Variants in FRMD8 observed in about 807,000 individuals in gnomAD.
The protein encoded by FRMD8 is FERM domain containing 8, also known as FERM domain-containing protein 8.
Under a neutral mutation model 54.2 loss-of-function variants are expected in FRMD8, and 37 were observed. The ratio of observed to expected loss-of-function variants is 0.68; its 90% CI spans 0.53 to 0.90. FRMD8 has a LOEUF of 0.90. Ranked by LOEUF, FRMD8 falls within the 40% of genes least tolerant of loss-of-function variation. The pLI, the probability that FRMD8 is intolerant of heterozygous loss-of-function variation, is 0.00. For missense variants in FRMD8, 585 were observed against 653.7 expected (o/e 0.89, Z 1.15); for synonymous variants, 246 against 286.9 (o/e 0.86, Z 1.44).
chr11:65,406,433 G>A (rs1856198997), intron 10 of FRMD8, among the ~76,000 whole-genome samples: 1 of 150,660 alleles, frequency 6.6e-6, no homozygotes, highest in African/African-American at 2.4e-5. Flanking sequence ...TGACCTTGTG[G>A]TCCATCCGCC....
chr11:65,397,849 G>C lies in FRMD8; in HGVS notation c.803+829G>C, dbSNP rs1399684733. On this transcript the variant is annotated intron_variant, in intron 7 of 10. Transcript: ENST00000317568. ...GAGTCGCTGGGACCACAGGTGTGCA[G>C]CACCATGCCCGGGTAATTTTTCTTT... Among the ~76,000 whole-genome samples the C allele has an allele frequency of 2.7e-5, 4 of 150,796 alleles. No individual in the cohort carries two copies. The East Asian group carries it at 7.8e-4, about 29-fold the overall frequency.
At position 65,404,602 on chromosome 11, in the gene FRMD8, C is replaced by T. The variant is rs1393465890; in HGVS notation, c.1072-262C>T. Among the ~76,000 whole-genome samples the T allele has an allele frequency of 6.6e-6, 1 of 151,942 alleles. No homozygotes were observed. The highest frequency in any genetic ancestry group is 2.4e-5 in the African/African-American group (1 of 41,352). ...ACCTGCTTCTGCCCATGGAGTCAGC[C>T]TTCCTGGGCTGTGCCTTCTGACCAG... On this transcript the variant is annotated intron_variant, in intron 9 of 10. Coordinates refer to ENST00000317568, the MANE Select transcript of FRMD8 (RefSeq NM_031904.5). This position sits in a 1 kb window ranked among gnomAD's most constrained non-coding sequence, Gnocchi z 4.7.
chr11:65,368,461 C>T, the FRMD8 span, among the ~76,000 whole-genome samples: 1 of 151,982 alleles, frequency 6.6e-6, no homozygotes, highest in African/African-American at 2.4e-5. Context: ...TCCTCCCATC[C>T]TGGCCTCCCA....
intron 3 of FRMD8, among the ~76,000 whole-genome samples, chr11:65,393,264 A>G (rs568965823): frequency 5.3e-5 from 8 of 152,160 alleles, no homozygotes; most frequent in Non-Finnish European, 1.0e-4. Context: ...AGCACCTTCC[A>G]TTGGCCAGTC....
At chr11:65,376,264 C>T in the FRMD8 span, 1 of 1,069,696 alleles carries the variant, frequency 9.3e-7, no homozygotes, top group Non-Finnish European at 1.3e-6. Flanking sequence ...CTGCCCAGCC[C>T]AGATCTGCGC....
the FRMD8 span, chr11:65,376,694 A>G: frequency 6.2e-7 from 1 of 1,613,978 alleles, no homozygotes; most frequent in Non-Finnish European, 8.5e-7. Flanking sequence ...GAGAGAGCCC[A>G]GAGCAGGGGT....
At chr11:65,399,934 G>A in intron 8 of FRMD8, 75 bp downstream of exon 8, 4 of 1,524,510 alleles carry the variant, frequency 2.6e-6, no homozygotes, top group Non-Finnish European at 3.5e-6. Flanking sequence ...GTTCCTCTGG[G>A]CCTGTGGGGG....
chr11:65,391,748 TG>T (rs1855850817), intron 3 of FRMD8, among the ~76,000 whole-genome samples: 1 of 152,110 alleles, frequency 6.6e-6, no homozygotes, highest in East Asian at 1.9e-4. Flanking sequence ...TGACCTCAAG[TG>T]ATCCACCCGC....
chr11:65,387,149 A>T (rs768459283), intron 2 of FRMD8, 28 bp downstream of exon 2: 1 of 1,578,152 alleles, frequency 6.3e-7, no homozygotes, highest in Non-Finnish European at 8.6e-7. Flanking sequence ...CTCCTCTTCC[A>T]CACCCTCCTG....
intron 2 of FRMD8, among the ~76,000 whole-genome samples, chr11:65,387,631 G>C (rs184609318): frequency 0.031 from 4,660 of 152,062 alleles, 274 homozygotes; most frequent in African/African-American, 0.11. Flanking sequence ...CCCCGCCTTC[G>C]GGGTTCACGC....
Position 65,389,375 on chromosome 11 carries a change from G to C in FRMD8, c.100G>C (p.Val34Leu), listed in dbSNP as rs2137863879. The C allele has an allele frequency of 6.2e-7, 1 of 1,610,542 alleles. No homozygotes were observed. The highest frequency in any genetic ancestry group is 8.5e-7 in the Non-Finnish European group (1 of 1,179,980). The change falls in exon 3 of 11, where the codon GTA (valine) becomes CTA (leucine). Residue 34 changes from valine to leucine, a missense_variant. Physicochemically the swap from Val to Leu is conservative, Grantham distance 32. Transcript: ENST00000317568. Reference protein sequence around the residue: ...SVGARAADVLVYLADDTVVPL... With the variant: ...SVGARAADVLLYLADDTVVPL... ...CTCCATCACAGCGGCTGACGTGCTG[G>C]TATACCTAGCGGATGACACGGTGGT...
At chr11:65,386,997 C>A in intron 1 of FRMD8, 40 bp from the exon 2 acceptor site, 3 of 1,570,654 alleles carry the variant, frequency 1.9e-6, no homozygotes, top group Non-Finnish European at 8.7e-7. Context: ...GCCCCCCATC[C>A]CTGGCTCCCG....
Position 65,404,567 on chromosome 11 carries a change from C to T in FRMD8, c.1072-297C>T, listed in dbSNP as rs1388809481. ...TCTGCAGCAGCTGGCTCCCTACCCC[C>T]TCCCTCCCCACCTGCTTCTGCCCAT... On this transcript the variant is annotated intron_variant, in intron 9 of 10. Coordinates refer to ENST00000317568, the MANE Select transcript of FRMD8 (RefSeq NM_031904.5). The surrounding 1 kb of genome is among the most constrained non-coding windows in gnomAD (Gnocchi z 4.7). 6.6e-6 allele frequency among the ~76,000 whole-genome samples: 1 copy of T among 151,934 alleles called. No individual in the cohort carries two copies. The highest frequency in any genetic ancestry group is 1.5e-5 in the Non-Finnish European group (1 of 67,966).
At chr11:65,385,050 CAACA>C (rs1565592074), upstream of FRMD8, among the ~76,000 whole-genome samples, 1 of 152,186 alleles carries the variant, frequency 6.6e-6, no homozygotes, top group African/African-American at 2.4e-5. Context: ...AATTAAACCA[CAACA>C]GACACTTTCT....
At chr11:65,388,496 CAACTT>C (rs1338279826) in intron 2 of FRMD8, among the ~76,000 whole-genome samples, 1 of 152,126 alleles carries the variant, frequency 6.6e-6, no homozygotes, top group African/African-American at 2.4e-5. Flanking sequence ...AGGCAACTGA[CAACTT>C]AAATTGACTC....
chr11:65,385,530 T>C (rs955835619), upstream of FRMD8, among the ~76,000 whole-genome samples: 2 of 152,208 alleles, frequency 1.3e-5, no homozygotes, highest in African/African-American at 4.8e-5. Context: ...CTGGTTCCTC[T>C]GGCCCCAGAA....
At chr11:65,396,770 C>T (rs765711890) in intron 6 of FRMD8, 29 bp from the exon 7 acceptor site, 17 of 1,429,974 alleles carry the variant, frequency 1.2e-5, no homozygotes, top group African/African-American at 1.0e-4. Context: ...CTGGTTGGGC[C>T]GCTAGCACCT....
the FRMD8 span, chr11:65,376,225 GC>G: frequency 2.1e-5 from 14 of 671,756 alleles, no homozygotes; most frequent in South Asian, 1.3e-4. Flanking sequence ...GGCTGCACAG[GC>G]CCCCTGGCTT....
At chr11:65,379,211 C>G in the FRMD8 span, 14 of 750,626 alleles carry the variant, frequency 1.9e-5, no homozygotes, top group Non-Finnish European at 8.4e-6. Context: ...CCCCACAGCC[C>G]TCCCCCAGAG....
Sources: allele counts gnomAD v4.1 joint callset (sites outside exome capture counted in the v4.1 genomes callset), GRCh38; gene constraint gnomAD v4.1.1; non-coding constraint Gnocchi (gnomAD v3.1); transcripts MANE v1.5; gene names NCBI Gene and HGNC (gene_info 2026-07-23, HGNC 2026-07-21).